Variants in ROBO1 observed in about 807,000 individuals in gnomAD.
The protein encoded by ROBO1 is roundabout guidance receptor 1.
ROBO1 carries 149 observed loss-of-function variants against 195.9 expected under a neutral mutation model. That is an observed-to-expected ratio of 0.76 (90% CI 0.67 to 0.87). The LOEUF is 0.87. Ranked by LOEUF, ROBO1 falls within the 40% of genes least tolerant of loss-of-function variation. The pLI, the probability that ROBO1 is intolerant of heterozygous loss-of-function variation, is 0.00. For missense variants in ROBO1, 1,933 were observed against 2,068.3 expected (o/e 0.93, Z 1.27); for synonymous variants, 816 against 733.2 (o/e 1.11, Z -1.82).
chr3:79,083,800 G>C (rs1443771351), intron 3 of ROBO1, among the ~76,000 whole-genome samples: 1 of 152,026 alleles, frequency 6.6e-6, no homozygotes, highest in Non-Finnish European at 1.5e-5. Flanking sequence ...ATTCTCTCAG[G>C]GTTCTTATCT....
At chr3:78,884,637 A>G (rs2036404851) in intron 4 of ROBO1, among the ~76,000 whole-genome samples, 4 of 86,942 alleles carry the variant, frequency 4.6e-5, no homozygotes, top group African/African-American at 1.6e-4. Context: ...AAGAAAGAGA[A>G]AGAAAGAAAG....
At chr3:78,636,177 G>A (rs1367097117) in intron 22 of ROBO1, 69 bp from the exon 23 acceptor site, 7 of 1,141,718 alleles carry the variant, frequency 6.1e-6, no homozygotes, top group African/African-American at 3.1e-5. Context: ...TTCTTTTTAC[G>A]TAGCTTTGCG....
intron 8 of ROBO1, among the ~76,000 whole-genome samples, chr3:78,710,502 A>T (rs1215427031): frequency 6.6e-6 from 1 of 152,222 alleles, no homozygotes. Context: ...ATTAAGCAAT[A>T]AAGCTATCAA....
intron 5 of ROBO1, among the ~76,000 whole-genome samples, chr3:78,721,236 T>C (rs751063968): frequency 1.1e-4 from 17 of 152,208 alleles, no homozygotes; most frequent in Admixed American, 4.6e-4. Context: ...CCAGAACAAT[T>C]TGAGTATCAT....
intron 4 of ROBO1, among the ~76,000 whole-genome samples, chr3:78,866,019 C>A (rs1017187926): frequency 1.3e-5 from 2 of 152,090 alleles, no homozygotes; most frequent in Non-Finnish European, 2.9e-5. Context: ...ATGGATTCAG[C>A]CAAATTCAAC....
rs55894934 is a variant in ROBO1, at chr3:78,636,935, T to TTATATATATATATATATA, written c.3038-845_3038-828dup. Among the ~76,000 whole-genome samples the TTATATATATATATATATA allele has an allele frequency of 7.0e-4, 68 of 96,688 alleles. 1 individual carries two copies. Among genetic ancestry groups the TTATATATATATATATATA allele is most frequent in the Non-Finnish European group, 1.1e-3 (51 of 48,114 alleles). 63.4% of individuals were successfully genotyped at this position (96,688 alleles called of 152,430 possible). A position where few individuals can be genotyped will look rare whatever the true frequency, so the allele number is the denominator to read the frequency against. ...TACATACATAATATATACATTCATT[T>TTATATATATATATATATA]TATATATATATATATATATATATAT... On this transcript the variant is annotated intron_variant, in intron 22 of 30. Transcript: ENST00000464233.
intron 3 of ROBO1, among the ~76,000 whole-genome samples, chr3:79,111,374 A>G (rs2079883684): frequency 6.6e-6 from 1 of 152,138 alleles, no homozygotes; most frequent in Non-Finnish European, 1.5e-5. Context: ...AATTAGCTGG[A>G]TGGGTTCAGA....
At chr3:79,411,306 T>C (rs1178068101) in intron 2 of ROBO1, among the ~76,000 whole-genome samples, 1 of 152,166 alleles carries the variant, frequency 6.6e-6, no homozygotes, top group Non-Finnish European at 1.5e-5. Context: ...AAGACTAAAA[T>C]AGTGGTTTTT....
At chr3:78,753,149 G>C (rs2082840265) in intron 4 of ROBO1, among the ~76,000 whole-genome samples, 1 of 152,076 alleles carries the variant, frequency 6.6e-6, no homozygotes, top group African/African-American at 2.4e-5. Context: ...AAAATGAGAA[G>C]AATTACCAGA....
At chr3:79,300,406 GC>G (rs1181941294) in intron 2 of ROBO1, among the ~76,000 whole-genome samples, 1 of 152,224 alleles carries the variant, frequency 6.6e-6, no homozygotes, top group African/African-American at 2.4e-5. Context: ...AGCAGTGCCG[GC>G]CCACCGGCGC....
At chr3:79,390,858 G>A (rs116156652) in intron 2 of ROBO1, among the ~76,000 whole-genome samples, 5,227 of 152,178 alleles carry the variant, frequency 0.034, 201 homozygotes, top group African/African-American at 0.098. Flanking sequence ...GGCATGAACA[G>A]GGAATGAATG....
intron 2 of ROBO1, among the ~76,000 whole-genome samples, chr3:79,529,237 T>A (rs1357659365): frequency 2.6e-5 from 4 of 152,142 alleles, no homozygotes; most frequent in Non-Finnish European, 5.9e-5. Flanking sequence ...AATCCCAGCA[T>A]TTTCTGAGGC....
intron 21 of ROBO1, among the ~76,000 whole-genome samples, 176 bp downstream of exon 21, chr3:78,645,972 C>CA (rs1416152115): frequency 6.6e-6 from 1 of 152,074 alleles, no homozygotes; most frequent in East Asian, 1.9e-4. Flanking sequence ...CAATCAACTA[C>CA]ATTTGTGTGT....
chr3:78,741,975 C>A (rs1390254465), intron 5 of ROBO1, among the ~76,000 whole-genome samples: 1 of 152,044 alleles, frequency 6.6e-6, no homozygotes, highest in Non-Finnish European at 1.5e-5. Flanking sequence ...GGTTTATAAT[C>A]ATCCAGGATC....
At position 79,057,152 on chromosome 3, in the gene ROBO1, GT is replaced by G. The variant is rs759888485; in HGVS notation, c.172+68303del. Among the ~76,000 whole-genome samples the G allele has an allele frequency of 1.6e-3, 239 of 152,138 alleles. 3 individuals are homozygous for G. The highest frequency in any genetic ancestry group is 2.2e-3 in the Non-Finnish European group (151 of 67,984). On this transcript the variant is annotated intron_variant, in intron 3 of 30. Transcript: ENST00000464233. ...AGCCCATTCCTGAGGCTGTTACAGT[GT>G]TCACTGATGGCTCCAATGAAAATGC...
chr3:78,770,726 C>G (rs752241323), intron 4 of ROBO1, among the ~76,000 whole-genome samples: 1 of 152,072 alleles, frequency 6.6e-6, no homozygotes, highest in East Asian at 1.9e-4. Context: ...AATAGTGTAT[C>G]CTAGGTTTTC....
intron 2 of ROBO1, among the ~76,000 whole-genome samples, chr3:79,584,253 A>AAAAT (rs1943747561): frequency 6.9e-6 from 1 of 144,590 alleles, no homozygotes; most frequent in East Asian, 2.1e-4. Context: ...AGGTACATGT[A>AAAAT]ATATATATAT....
chr3:78,629,683 A>C (rs1705058231), intron 25 of ROBO1, among the ~76,000 whole-genome samples: 2 of 151,842 alleles, frequency 1.3e-5, no homozygotes, highest in South Asian at 4.2e-4. Context: ...AACCAAACCA[A>C]ACCAAACATA....
chr3:78,907,120 G>T (rs939862367), intron 4 of ROBO1, among the ~76,000 whole-genome samples: 9 of 151,972 alleles, frequency 5.9e-5, no homozygotes, highest in Non-Finnish European at 1.3e-4. Context: ...GATTTTTAAA[G>T]GTTAGTGTCA....
Sources: gnomAD v4.1 joint callset for allele counts (sites outside exome capture counted in the v4.1 genomes callset) on GRCh38, gnomAD v4.1.1 for gene constraint, MANE v1.5 for transcripts, NCBI Gene and HGNC (gene_info 2026-07-23, HGNC 2026-07-21) for gene names.